Variants in CDC14B observed in about 807,000 individuals in gnomAD.
CDC14B encodes dual specificity protein phosphatase CDC14B.
Under a neutral mutation model 64.2 loss-of-function variants are expected in CDC14B, and 22 were observed. That is an observed-to-expected ratio of 0.34 (90% CI 0.24 to 0.49). The LOEUF (loss-of-function observed/expected upper bound fraction) is 0.49, where lower values mean the gene tolerates loss of function less well. CDC14B is among the 20% of genes least tolerant of loss of function. CDC14B has a pLI of 0.99. For missense variants in CDC14B, 498 were observed against 629.9 expected (o/e 0.79, Z 2.24); for synonymous variants, 191 against 215.8 (o/e 0.89, Z 1.01).
rs1833690569 is a variant in CDC14B at position 96,502,979 on chromosome 9, T to C, written c.*774A>G. The stretch of plus-strand genomic sequence containing the variant: ...ATTTGTATGACTGGCAACCAAACAA[T>C]GGGCAGCCTCCCAGTTCTTCAGTCC... On this transcript the variant is annotated 3_prime_UTR_variant, in exon 14 of 14. Coordinates refer to ENST00000375241, the MANE Select transcript of CDC14B (RefSeq NM_033331.4). The C allele has an allele frequency of 1.0e-5, 4 of 397,916 alleles. No homozygotes were observed. Among genetic ancestry groups the C allele is most frequent in the Non-Finnish European group, 1.8e-5 (4 of 225,602 alleles). 24.6% of individuals were successfully genotyped at this position (397,916 alleles called of 1,614,324 possible). A position where few individuals can be genotyped will look rare whatever the true frequency, so the allele number is the denominator to read the frequency against.
At position 96,503,767 on chromosome 9, in the gene CDC14B, T is replaced by C; in HGVS notation, c.1483A>G (p.Thr495Ala). ...VKSLSISRTK[T>A]VLR is the part of the protein sequence containing the mutation. ...CAGGTTTTTACTTAACGCAAGACTG[T>C]TTTAGTCCTTGAAATGGAGAGACTA... Residue 495 changes from threonine (T) to alanine (A), a missense_variant, in exon 14 of 14, where the codon ACA becomes GCA. Physicochemically the swap from Thr to Ala is moderately conservative, Grantham distance 58 (BLOSUM62 0). Coordinates refer to ENST00000375241, the MANE Select transcript of CDC14B (RefSeq NM_033331.4). 6.2e-7 allele frequency: 1 copy of C among 1,613,920 alleles called. No homozygotes were observed. The highest frequency in any genetic ancestry group is 1.3e-5 in the African/African-American group (1 of 75,044).
intron 7 of CDC14B, among the ~76,000 whole-genome samples, chr9:96,535,698 G>A (rs1839180446): frequency 6.6e-6 from 1 of 150,714 alleles, no homozygotes; most frequent in South Asian, 2.1e-4. Flanking sequence ...AATATCTACA[G>A]GGACCAAGCA....
At chr9:96,562,132 T>C (rs1339836890) in intron 4 of CDC14B, among the ~76,000 whole-genome samples, 1 of 152,238 alleles carries the variant, frequency 6.6e-6, no homozygotes, top group Non-Finnish European at 1.5e-5. Flanking sequence ...CTTGATGGCA[T>C]ATGTATGTAA....
Position 96,534,157 on chromosome 9 carries a change from C to T in CDC14B, c.716G>A (p.Gly239Asp). The T allele has an allele frequency of 1.3e-6, 2 of 1,567,056 alleles. No homozygotes were observed. The highest frequency in any genetic ancestry group is 2.3e-5 in the South Asian group (2 of 88,168). The part of the protein sequence containing the change: ...GPHSRARLES[G>D]YHQHSPETYI... ...AGTCTCAGGAGAATGTTGGTGGTAACCTACATAAAGAAATGCACCAGATCT... is the reference window on the plus strand; with the variant it reads ...AGTCTCAGGAGAATGTTGGTGGTAATCTACATAAAGAAATGCACCAGATCT... Residue 239 changes from glycine to aspartate, a missense_variant and splice_region_variant, in exon 9 of 14, where the codon GGT (glycine) becomes GAT (aspartate). By Grantham distance (94) the Gly-to-Asp change is moderately conservative (BLOSUM62 -1). Transcript: ENST00000375241.
At chr9:96,600,555 T>A (rs1210897287) in intron 1 of CDC14B, among the ~76,000 whole-genome samples, 1 of 151,450 alleles carries the variant, frequency 6.6e-6, no homozygotes, top group African/African-American at 2.4e-5. Context: ...CAGGCTGGAG[T>A]GCAATGGTGC....
At chr9:96,596,195 C>A (rs1308467699) in intron 1 of CDC14B, among the ~76,000 whole-genome samples, 2 of 151,832 alleles carry the variant, frequency 1.3e-5, no homozygotes, top group Non-Finnish European at 2.9e-5. Context: ...AACCCTGTCT[C>A]TACTAAAAAT....
intron 11 of CDC14B, among the ~76,000 whole-genome samples, 196 bp from the exon 12 acceptor site, chr9:96,522,799 CTT>C (rs1836947602): frequency 6.6e-6 from 1 of 151,976 alleles, no homozygotes; most frequent in African/African-American, 2.4e-5. Context: ...CAGCAGCACT[CTT>C]GTTAGAAAAC....
At chr9:96,618,636 G>A (rs546868927) in intron 1 of CDC14B, 16 of 528,400 alleles carry the variant, frequency 3.0e-5, no homozygotes, top group African/African-American at 2.9e-4. Flanking sequence ...CGTTCGGGGG[G>A]CGCGCTAGGG....
intron 1 of CDC14B, among the ~76,000 whole-genome samples, chr9:96,575,215 T>C (rs111471340): frequency 5.9e-5 from 9 of 152,234 alleles, no homozygotes; most frequent in African/African-American, 1.9e-4. Flanking sequence ...GTCTAGAATC[T>C]GTCCTTGTGG....
intron 13 of CDC14B, among the ~76,000 whole-genome samples, chr9:96,507,177 A>G (rs1379776200): frequency 6.6e-6 from 1 of 152,114 alleles, no homozygotes; most frequent in East Asian, 1.9e-4. Context: ...GCCACCCACA[A>G]GTAGTAATCC....
chr9:96,559,710 C>G (rs946238947), intron 4 of CDC14B, among the ~76,000 whole-genome samples: 1 of 152,144 alleles, frequency 6.6e-6, no homozygotes, highest in Non-Finnish European at 1.5e-5. Flanking sequence ...CTGTCACAGC[C>G]AAGAGCTATA....
intron 1 of CDC14B, chr9:96,567,013 AAGCCCCGCGCGCGACG>A: frequency 7.2e-7 from 1 of 1,382,646 alleles, no homozygotes; most frequent in Non-Finnish European, 9.4e-7. Context: ...GTCCTGGAAA[AAGCCCCGCGCGCGACG>A]AGGCCGTGGG....
At chr9:96,496,708 C>T (rs912576366), downstream of CDC14B, among the ~76,000 whole-genome samples, 3 of 152,380 alleles carry the variant, frequency 2.0e-5, no homozygotes, top group Non-Finnish European at 4.4e-5. Context: ...ACCCTGAAGT[C>T]CCCGCTGGAG....
intron 6 of CDC14B, among the ~76,000 whole-genome samples, chr9:96,540,410 AT>A (rs1277301231): frequency 7.9e-5 from 12 of 152,308 alleles, no homozygotes; most frequent in Non-Finnish European, 1.5e-4. Flanking sequence ...AGGTGAGTGG[AT>A]CGCTTGAGCT....
At chr9:96,530,573 C>A (rs1186935204) in intron 9 of CDC14B, among the ~76,000 whole-genome samples, 2 of 151,836 alleles carry the variant, frequency 1.3e-5, no homozygotes. Flanking sequence ...AGCCATTGCA[C>A]CTGGCCCAGG....
At chr9:96,568,513 G>T (rs762100085) in intron 1 of CDC14B, among the ~76,000 whole-genome samples, 3 of 152,210 alleles carry the variant, frequency 2.0e-5, no homozygotes, top group Non-Finnish European at 4.4e-5. Context: ...GCTGCAGTGT[G>T]TCGGGAGGTT....
chr9:96,583,867 TA>T (rs1845319135), intron 1 of CDC14B, among the ~76,000 whole-genome samples: 1 of 152,120 alleles, frequency 6.6e-6, no homozygotes, highest in African/African-American at 2.4e-5. Flanking sequence ...TACAGGCGTC[TA>T]CCACCATGCC....
intron 1 of CDC14B, among the ~76,000 whole-genome samples, chr9:96,601,773 G>A (rs1158673746): frequency 5.7e-5 from 8 of 140,014 alleles, no homozygotes; most frequent in East Asian, 2.1e-4. Flanking sequence ...CAGCCTGGGC[G>A]ACAGAGCAAG....
At chr9:96,612,449 C>T (rs1847382095) in intron 1 of CDC14B, among the ~76,000 whole-genome samples, 1 of 152,210 alleles carries the variant, frequency 6.6e-6, no homozygotes, top group Non-Finnish European at 1.5e-5. Context: ...TCATATGCAT[C>T]CCCTTCATTT....
Sources: gnomAD v4.1 joint callset for allele counts (sites outside exome capture counted in the v4.1 genomes callset) on GRCh38, gnomAD v4.1.1 for gene constraint, MANE v1.5 for transcripts, NCBI Gene and HGNC (gene_info 2026-07-23, HGNC 2026-07-21) for gene names.